The following HERC2 variants were observed in gnomAD, a reference collection of about 807,000 sequenced individuals.
HERC2 encodes the protein HECT and RLD domain containing E3 ubiquitin protein ligase 2.
A neutral mutation model predicts 537.7 loss-of-function variants in HERC2; 102 were observed. That is an observed-to-expected ratio of 0.19 (90% CI 0.16 to 0.22). HERC2 has a LOEUF of 0.22. Among genes scored for constraint, HERC2 ranks in the 10% least tolerant of loss-of-function variants. The pLI is 1.00. For missense variants in HERC2, 4,236 were observed against 6,198.2 expected (o/e 0.68, Z 10.63); for synonymous variants, 2,224 against 2,466.2 (o/e 0.90, Z 2.91).
intron 5 of HERC2, among the ~76,000 whole-genome samples, chr15:28,279,136 C>A (rs978420253): frequency 8.5e-5 from 13 of 152,144 alleles, no homozygotes; most frequent in African/African-American, 2.9e-4. Context: ...GGATTACAGG[C>A]ATGAGCCACC....
chr15:28,125,201 A>T lies in HERC2; in HGVS notation c.12803-8T>A. 4 of 1,598,814 alleles carry T rather than the reference A, an allele frequency of 2.5e-6. No individual in the cohort carries two copies. Among genetic ancestry groups the T allele is most frequent in the Non-Finnish European group, 2.6e-6 (3 of 1,166,884 alleles). ...CCCATGTATAAACCTCACCTGAATG[A>T]AGTGAATTTAGAATCAGAACCTGTA... On this transcript the variant is annotated splice_region_variant and splice_polypyrimidine_tract_variant and intron_variant, in intron 83 of 92. Coordinates refer to ENST00000261609, the MANE Select transcript of HERC2 (RefSeq NM_004667.6).
intron 2 of HERC2, among the ~76,000 whole-genome samples, chr15:28,301,081 GCAGA>G (rs2076611040): frequency 6.6e-6 from 1 of 151,778 alleles, no homozygotes; most frequent in African/African-American, 2.4e-5. Flanking sequence ...AAGGGCCAGG[GCAGA>G]CAAAGATGAG....
intron 88 of HERC2, among the ~76,000 whole-genome samples, chr15:28,116,204 T>C (rs940963895): frequency 6.9e-6 from 1 of 145,938 alleles, no homozygotes; most frequent in Non-Finnish European, 1.5e-5. Context: ...CGATCAATAT[T>C]AAAAGTCTTT....
chr15:28,130,628 C>T (rs1890010743), intron 81 of HERC2, 34 bp from the exon 82 acceptor site: 1 of 1,439,808 alleles, frequency 6.9e-7, no homozygotes, highest in African/African-American at 1.4e-5. Context: ...AGACAGACAG[C>T]AACAAGGCTC....
chr15:28,226,119 G>A (rs1180219439), intron 35 of HERC2, among the ~76,000 whole-genome samples: 1 of 152,158 alleles, frequency 6.6e-6, no homozygotes, highest in Non-Finnish European at 1.5e-5. Flanking sequence ...ATAAAATACT[G>A]CTGAAAGAAA....
intron 79 of HERC2, among the ~76,000 whole-genome samples, chr15:28,133,042 G>A (rs1244285217): frequency 2.6e-5 from 4 of 151,908 alleles, no homozygotes; most frequent in East Asian, 3.9e-4. Context: ...CTGACTCAGA[G>A]GCTGGAAAGT....
In HERC2 at chr15:28,130,177, C is replaced by G. The variant is rs571199554; in HGVS notation, c.12788G>C (p.Cys4263Ser). ...AIATGSLHCV[C>S]CTEDGEVYTW... Reference sequence around the variant, plus strand: ...CCCCTACCTACCATCCTCTGTGCAGCACACACAGTGCAGGGAGCCAGTGGC... The same window carrying G: ...CCCCTACCTACCATCCTCTGTGCAGGACACACAGTGCAGGGAGCCAGTGGC... Residue 4263 changes from cysteine to serine, a missense_variant, in exon 83 of 93, where the codon TGC becomes TCC. Coordinates refer to ENST00000261609, the MANE Select transcript of HERC2 (RefSeq NM_004667.6). 2 of 1,614,186 alleles carry G rather than the reference C, an allele frequency of 1.2e-6. No individual in the cohort carries two copies. The highest frequency in any genetic ancestry group is 2.2e-5 in the South Asian group (2 of 91,080).
rs1488786033 is a variant in HERC2 at position 28,125,101 on chromosome 15, G to A, written c.12895C>T (p.Gln4299Ter). ...GCCACACGGTTGACCTTCTTACCCT[G>A]AAGGGCAGCTACCAACCGAGGCCTC... ...IQRPRLVAAL[Q>*]GKKVNRVACG... Residue 4299 changes from glutamine (Q) to a stop codon, truncating the protein, a stop_gained, in exon 84 of 93, where the codon CAG (glutamine) becomes TAG (stop). Coordinates refer to ENST00000261609, the MANE Select transcript of HERC2 (RefSeq NM_004667.6). LOFTEE classifies it high-confidence loss of function. The A allele has an allele frequency of 6.2e-7, 1 of 1,614,186 alleles. No individual in the cohort carries two copies. The highest frequency in any genetic ancestry group is 1.1e-5 in the South Asian group (1 of 91,090).
intron 2 of HERC2, among the ~76,000 whole-genome samples, chr15:28,303,194 T>G (rs1038416810): frequency 2.0e-5 from 3 of 152,254 alleles, no homozygotes; most frequent in Non-Finnish European, 4.4e-5. Context: ...TGGTGAGAGA[T>G]AGCGGTCTAG....
At chr15:28,139,325 C>G (rs368577104) in intron 78 of HERC2, among the ~76,000 whole-genome samples, 24 of 152,344 alleles carry the variant, frequency 1.6e-4, no homozygotes, top group African/African-American at 5.5e-4. Flanking sequence ...GGTGCTCCCT[C>G]CTGCGCCTCC....
At chr15:28,311,105 G>T (rs2076932738) in intron 2 of HERC2, among the ~76,000 whole-genome samples, 1 of 122,938 alleles carries the variant, frequency 8.1e-6, no homozygotes, top group African/African-American at 3.0e-5. Context: ...AAAAAAAAAG[G>T]CTATTACCAA....
At chr15:28,195,363 A>C (rs1383275009) in intron 52 of HERC2, among the ~76,000 whole-genome samples, 2 of 152,098 alleles carry the variant, frequency 1.3e-5, no homozygotes, top group Non-Finnish European at 2.9e-5. Context: ...CAGGAGGCTG[A>C]GACAGGAGAA....
chr15:28,111,433 C>T lies in HERC2; in HGVS notation c.*330G>A. 3.2e-6 allele frequency: 1 copy of T among 312,940 alleles called. No individual in the cohort carries two copies. The highest frequency in any genetic ancestry group is 5.8e-6 in the Non-Finnish European group (1 of 171,734). 19.4% of individuals were successfully genotyped at this position (312,940 alleles called of 1,614,324 possible). On this transcript the variant is annotated 3_prime_UTR_variant, in exon 93 of 93. Coordinates refer to ENST00000261609, the MANE Select transcript of HERC2 (RefSeq NM_004667.6). ...AAAGAAAAAAAATCGATTGCACCCA[C>T]AAGTAAAAAGGCTTTATTCATTTTG...
intron 83 of HERC2, among the ~76,000 whole-genome samples, chr15:28,128,690 C>T (rs1313377724): frequency 6.6e-6 from 1 of 152,224 alleles, no homozygotes; most frequent in African/African-American, 2.4e-5. Context: ...TAACACATCC[C>T]CACAGCCCGG....
At chr15:28,275,512 C>T (rs1460040617) in intron 5 of HERC2, among the ~76,000 whole-genome samples, 1 of 152,248 alleles carries the variant, frequency 6.6e-6, no homozygotes, top group East Asian at 1.9e-4. Flanking sequence ...GACGGTGGTG[C>T]TCATCACCCT....
At chr15:28,153,684 G>A (rs1177930548) in intron 69 of HERC2, among the ~76,000 whole-genome samples, 1 of 152,104 alleles carries the variant, frequency 6.6e-6, no homozygotes, top group South Asian at 2.1e-4. Context: ...TAGTTGGAAG[G>A]CTCCCAACAC....
intron 48 of HERC2, among the ~76,000 whole-genome samples, chr15:28,199,817 T>C (rs891233534): frequency 6.6e-6 from 1 of 152,086 alleles, no homozygotes; most frequent in Admixed American, 6.6e-5. Context: ...TCCTATTGTA[T>C]TGGAGAAACA....
intron 70 of HERC2, among the ~76,000 whole-genome samples, chr15:28,148,733 G>A (rs1326715826): frequency 2.6e-5 from 4 of 151,154 alleles, no homozygotes; most frequent in Admixed American, 1.3e-4. Flanking sequence ...CTGCATGAAC[G>A]CGCATTCTAG....
At chr15:28,239,007 C>T (rs1347011210) in intron 23 of HERC2, among the ~76,000 whole-genome samples, 3 of 152,102 alleles carry the variant, frequency 2.0e-5, no homozygotes, top group Admixed American at 6.6e-5. Context: ...GGCCACAGAG[C>T]AAATCTCAAC....
Sources: allele counts gnomAD v4.1 joint callset (sites outside exome capture counted in the v4.1 genomes callset), GRCh38; gene constraint gnomAD v4.1.1; transcripts MANE v1.5; gene names NCBI Gene and HGNC (gene_info 2026-07-23, HGNC 2026-07-21).